Variants in IGSF11 observed in about 807,000 individuals in gnomAD.
IGSF11 encodes the protein CXADR like 1.
In IGSF11, 22 loss-of-function variants were observed where a neutral mutation model predicts 41.0. The observed-to-expected ratio is 0.54, with a 90% confidence interval of 0.38 to 0.77. The LOEUF (loss-of-function observed/expected upper bound fraction) is 0.77, where lower values mean the gene tolerates loss of function less well. IGSF11 is among the 30% of genes least tolerant of loss of function. The probability of loss-of-function intolerance (pLI) is 0.00; values close to 1 mark genes in which losing one functional copy is unlikely to be tolerated. For synonymous variants in IGSF11, 219 were observed against 201.3 expected, an observed-to-expected ratio of 1.09 and a Z score of -0.74; for missense variants, 444 against 530.8, an observed-to-expected ratio of 0.84 and a Z score of 1.61.
chr3:119,081,290 C>G (rs1208176290), intron 1 of IGSF11, among the ~76,000 whole-genome samples: 1 of 152,034 alleles, frequency 6.6e-6, no homozygotes, highest in African/African-American at 2.4e-5. Context: ...CCTTGCTTCT[C>G]CTCATAATCT....
At chr3:118,916,123 G>A (rs1300434939) in intron 4 of IGSF11, among the ~76,000 whole-genome samples, 1 of 149,972 alleles carries the variant, frequency 6.7e-6, no homozygotes, top group African/African-American at 2.5e-5. Flanking sequence ...ACATGGAAAG[G>A]AACAACCGGT....
intron 6 of IGSF11, among the ~76,000 whole-genome samples, chr3:118,904,325 T>C (rs1453577863): frequency 1.3e-5 from 2 of 152,148 alleles, no homozygotes; most frequent in Non-Finnish European, 2.9e-5. Context: ...TAAATGTCAA[T>C]AGTAAACACG....
intron 1 of IGSF11, among the ~76,000 whole-genome samples, chr3:119,142,809 T>C (rs933721326): frequency 6.6e-6 from 1 of 152,044 alleles, no homozygotes; most frequent in African/African-American, 2.4e-5. Flanking sequence ...AATAAAACTT[T>C]CAAAAGAGAA....
chr3:119,127,264 C>A (rs193280710), intron 1 of IGSF11, among the ~76,000 whole-genome samples: 1 of 150,222 alleles, frequency 6.7e-6, no homozygotes, highest in Non-Finnish European at 1.5e-5. Flanking sequence ...ATCAACCAAG[C>A]GGAAGAAAGG....
At chr3:118,998,162 A>G (rs935236687) in intron 1 of IGSF11, among the ~76,000 whole-genome samples, 1 of 152,168 alleles carries the variant, frequency 6.6e-6, no homozygotes, top group East Asian at 1.9e-4. Flanking sequence ...TACAACAGTA[A>G]GTGTCAGATG....
intron 1 of IGSF11, among the ~76,000 whole-genome samples, chr3:118,963,015 T>G (rs6786886): frequency 6.6e-6 from 1 of 151,950 alleles, no homozygotes; most frequent in African/African-American, 2.4e-5. Flanking sequence ...AGTGCCACTT[T>G]GCTGACACAG....
At chr3:119,114,963 G>T (rs2077235332) in intron 1 of IGSF11, among the ~76,000 whole-genome samples, 1 of 152,188 alleles carries the variant, frequency 6.6e-6, no homozygotes. Flanking sequence ...GTCCTACATG[G>T]CTGGAGCAGG....
chr3:119,018,233 GAGAA>G (rs1431449717), intron 1 of IGSF11, among the ~76,000 whole-genome samples: 4 of 152,182 alleles, frequency 2.6e-5, no homozygotes, highest in African/African-American at 9.7e-5. Flanking sequence ...GTAAATGAGT[GAGAA>G]AGAGAGAGAA....
At chr3:118,912,929 G>A (rs956680889) in intron 4 of IGSF11, among the ~76,000 whole-genome samples, 11 of 152,148 alleles carry the variant, frequency 7.2e-5, no homozygotes, top group Admixed American at 1.3e-4. Flanking sequence ...AGGGCCAGGA[G>A]TTTGAAGTTG....
intron 4 of IGSF11, among the ~76,000 whole-genome samples, chr3:118,919,563 T>C (rs1323277868): frequency 2.1e-5 from 2 of 94,218 alleles, no homozygotes; most frequent in Non-Finnish European, 4.2e-5. Context: ...CTATGAGATA[T>C]CATCTCACAC....
At chr3:118,998,774 C>T (rs572891282) in intron 1 of IGSF11, among the ~76,000 whole-genome samples, 86 of 152,158 alleles carry the variant, frequency 5.7e-4, no homozygotes, top group African/African-American at 1.9e-3. Flanking sequence ...CTTTAATCTA[C>T]GCTCATTCCC....
At chr3:119,098,639 C>G (rs2076893452) in intron 1 of IGSF11, among the ~76,000 whole-genome samples, 1 of 152,170 alleles carries the variant, frequency 6.6e-6, no homozygotes, top group Non-Finnish European at 1.5e-5. Flanking sequence ...CTTTACTAAA[C>G]TTAAAAGCCT....
chr3:119,086,056 A>G (rs946618366), intron 1 of IGSF11, among the ~76,000 whole-genome samples: 1 of 152,212 alleles, frequency 6.6e-6, no homozygotes, highest in Non-Finnish European at 1.5e-5. Flanking sequence ...ACAGTTACAA[A>G]GTCATTTATG....
chr3:118,931,737 AT>A (rs35532396), intron 1 of IGSF11, among the ~76,000 whole-genome samples: 207 of 142,890 alleles, frequency 1.4e-3, no homozygotes, highest in African/African-American at 3.2e-3. Context: ...AAAGTCACTG[AT>A]TTTTTTTTTT....
At chr3:119,122,187 C>T (rs1559880164) in intron 1 of IGSF11, among the ~76,000 whole-genome samples, 1 of 152,158 alleles carries the variant, frequency 6.6e-6, no homozygotes. Flanking sequence ...GCTGATGTTA[C>T]CCCTTCCCAA....
At chr3:119,052,851 C>T (rs1412922797) in intron 1 of IGSF11, among the ~76,000 whole-genome samples, 1 of 152,056 alleles carries the variant, frequency 6.6e-6, no homozygotes, top group Non-Finnish European at 1.5e-5. Flanking sequence ...ATACTCAAGT[C>T]AATAAATATG....
At chr3:119,050,134 C>A (rs937848521) in intron 1 of IGSF11, among the ~76,000 whole-genome samples, 11 of 150,260 alleles carry the variant, frequency 7.3e-5, no homozygotes, top group African/African-American at 1.7e-4. Flanking sequence ...GCAACAAAAG[C>A]CAAAATTGAC....
chr3:119,027,459 A>G (rs778210637), intron 1 of IGSF11, among the ~76,000 whole-genome samples: 9 of 152,226 alleles, frequency 5.9e-5, no homozygotes, highest in Non-Finnish European at 1.0e-4. Flanking sequence ...GAAAGCAGAC[A>G]GGAGACTGGC....
At position 118,955,175 on chromosome 3, in the gene IGSF11, T is replaced by A. The variant is rs868850466; in HGVS notation, c.53-24900A>T. On this transcript the variant is annotated intron_variant, in intron 1 of 6. Transcript: ENST00000393775. ...ACCAGCCCAAATGCCCATCAATCAATGAGTGGATAAAGAAATTGTGGTATG... is the reference window on the plus strand; with the variant it reads ...ACCAGCCCAAATGCCCATCAATCAAAGAGTGGATAAAGAAATTGTGGTATG... Among the ~76,000 whole-genome samples the A allele has an allele frequency of 2.6e-5, 4 of 151,244 alleles. 1 individual carries two copies. The Middle Eastern group carries it at 0.014, about 522-fold the overall frequency.
Sources: gnomAD v4.1 joint callset for allele counts (sites outside exome capture counted in the v4.1 genomes callset) on GRCh38, gnomAD v4.1.1 for gene constraint, MANE v1.5 for transcripts, NCBI Gene and HGNC (gene_info 2026-07-23, HGNC 2026-07-21) for gene names.